The following KLRG1 variants were observed in gnomAD, a reference collection of about 807,000 sequenced individuals.
KLRG1 encodes the protein killer cell lectin-like receptor subfamily G member 1.
In KLRG1, 16 loss-of-function variants were observed where a neutral mutation model predicts 21.8. That is an observed-to-expected ratio of 0.73 (90% CI 0.50 to 1.11). KLRG1 has a LOEUF of 1.11. Among genes scored for constraint, KLRG1 ranks in the 50% most tolerant of loss-of-function variants. The probability of loss-of-function intolerance (pLI) is 0.00; values close to 1 mark genes in which losing one functional copy is unlikely to be tolerated. For synonymous variants in KLRG1, 69 were observed against 75.9 expected, an observed-to-expected ratio of 0.91 and a Z score of 0.47; for missense variants, 173 against 218.3, an observed-to-expected ratio of 0.79 and a Z score of 1.31.
chr12:9,100,219 T>C, the KLRG1 span, among the ~76,000 whole-genome samples: 3 of 152,194 alleles, frequency 2.0e-5, no homozygotes, highest in South Asian at 6.2e-4. Context: ...GGAAAAAAGA[T>C]ATTTATAATA....
the KLRG1 span, among the ~76,000 whole-genome samples, chr12:9,139,317 T>C: frequency 6.6e-6 from 1 of 152,188 alleles, no homozygotes; most frequent in Non-Finnish European, 1.5e-5. Flanking sequence ...CTTTCTAAAT[T>C]TGTTATAACT....
the KLRG1 span, among the ~76,000 whole-genome samples, chr12:9,043,697 T>G: frequency 3.9e-5 from 6 of 152,254 alleles, no homozygotes; most frequent in Admixed American, 3.9e-4. Flanking sequence ...AGGTGAAATC[T>G]GTTTCACTCT....
the KLRG1 span, among the ~76,000 whole-genome samples, chr12:9,016,262 C>T: frequency 2.6e-5 from 4 of 151,552 alleles, no homozygotes; most frequent in African/African-American, 9.7e-5. Context: ...TTTAGCCATA[C>T]TACGTAAGAA....
chr12:8,993,194 G>A (rs1947028457), intron 2 of KLRG1, among the ~76,000 whole-genome samples: 1 of 150,388 alleles, frequency 6.6e-6, no homozygotes, highest in Non-Finnish European at 1.5e-5. Context: ...CTCTCAGTTT[G>A]TTGTTTTACA....
intron 3 of KLRG1, among the ~76,000 whole-genome samples, chr12:9,005,341 T>C (rs1947441155): frequency 6.6e-6 from 1 of 151,994 alleles, no homozygotes; most frequent in Admixed American, 6.6e-5. Context: ...GCCCCAGAAC[T>C]TAAAGTATAA....
chr12:9,106,527 G>A, the KLRG1 span: 1 of 1,598,502 alleles, frequency 6.3e-7, no homozygotes, highest in African/African-American at 1.3e-5. Context: ...TCAGTGTGAA[G>A]TTTCATTTCA....
chr12:8,992,283 CT>C lies in KLRG1; in HGVS notation c.161del (p.Leu54ArgfsTer27). ...TCTGACTGCAGTTCTTCTGAGTGTG[CT>C]GCTATACCAGTGGATCCTGTGCCAG... The part of the protein sequence containing the change: ...GLLTAVLLSV[L>X]LYQWILCQGS... On this transcript the variant is annotated frameshift_variant, in exon 2 of 5. Transcript: ENST00000356986. LOFTEE classifies it high-confidence loss of function. The C allele has an allele frequency of 6.2e-7, 1 of 1,613,330 alleles. No homozygotes were observed. Among genetic ancestry groups the C allele is most frequent in the Non-Finnish European group, 8.5e-7 (1 of 1,179,616 alleles).
At chr12:9,029,136 C>A in the KLRG1 span, 1 of 333,896 alleles carries the variant, frequency 3.0e-6, no homozygotes. Flanking sequence ...TCGGTGGTGT[C>A]CAAGGGCAGA....
the KLRG1 span, among the ~76,000 whole-genome samples, chr12:9,026,590 G>A: frequency 6.6e-6 from 1 of 152,212 alleles, no homozygotes; most frequent in East Asian, 1.9e-4. Context: ...GTGGCTTTGA[G>A]CATCTTCTCA....
chr12:9,149,069 T>C, the KLRG1 span: 1 of 1,356,190 alleles, frequency 7.4e-7, no homozygotes, highest in Non-Finnish European at 1.1e-6. Flanking sequence ...GGCAGCAGAG[T>C]GAGCTTATGC....
chr12:9,134,696 G>A, the KLRG1 span, among the ~76,000 whole-genome samples: 1 of 152,104 alleles, frequency 6.6e-6, no homozygotes, highest in Non-Finnish European at 1.5e-5. Context: ...TTATTTCACT[G>A]AGCATAATGT....
chr12:9,112,395 A>G, the KLRG1 span: 1 of 1,613,856 alleles, frequency 6.2e-7, no homozygotes, highest in Non-Finnish European at 8.5e-7. Flanking sequence ...CCTGGTTTGT[A>G]GATTGATTTG....
intron 1 of KLRG1, among the ~76,000 whole-genome samples, chr12:8,973,304 A>T (rs1315233185): frequency 6.6e-6 from 1 of 151,886 alleles, no homozygotes; most frequent in Non-Finnish European, 1.5e-5. Flanking sequence ...TGCCAATATG[A>T]TAGTATTAAG....
the KLRG1 span, among the ~76,000 whole-genome samples, chr12:9,100,875 A>G: frequency 6.6e-6 from 1 of 152,268 alleles, no homozygotes; most frequent in African/African-American, 2.4e-5. Flanking sequence ...CATAAGAATG[A>G]TACAATGGAC....
the KLRG1 span, chr12:9,067,027 T>C: frequency 1.3e-5 from 2 of 152,238 alleles, no homozygotes; most frequent in South Asian, 4.1e-4. Context: ...TAAAGAGATG[T>C]TGTGAGACAT....
At chr12:9,007,624 T>C (rs759113339) in intron 3 of KLRG1, among the ~76,000 whole-genome samples, 4 of 152,210 alleles carry the variant, frequency 2.6e-5, no homozygotes, top group Middle Eastern at 3.4e-3. Flanking sequence ...AGGGTCCAAG[T>C]AGGCAAAGAG....
intron 3 of KLRG1, among the ~76,000 whole-genome samples, chr12:9,006,584 A>G (rs1253916631): frequency 2.0e-5 from 3 of 152,208 alleles, no homozygotes; most frequent in Admixed American, 1.3e-4. Flanking sequence ...ACTGGAGAAC[A>G]TTAATCAGGG....
chr12:8,983,228 G>A (rs1056183162), intron 1 of KLRG1, among the ~76,000 whole-genome samples: 2 of 151,626 alleles, frequency 1.3e-5, no homozygotes, highest in East Asian at 3.9e-4. Context: ...TTTTTATCTA[G>A]TGATACTTAT....
At chr12:9,055,032 C>A in the KLRG1 span, among the ~76,000 whole-genome samples, 153 of 152,178 alleles carry the variant, frequency 1.0e-3, 2 homozygotes, top group Non-Finnish European at 1.8e-3. Flanking sequence ...CTTATTTATA[C>A]TTCTCCAATA....
Sources: allele counts gnomAD v4.1 joint callset (sites outside exome capture counted in the v4.1 genomes callset), GRCh38; gene constraint gnomAD v4.1.1; transcripts MANE v1.5; gene names NCBI Gene and HGNC (gene_info 2026-07-23, HGNC 2026-07-21).